Variants in ZHX3 observed in about 807,000 individuals in gnomAD.
ZHX3 encodes the protein zinc fingers and homeoboxes protein 3.
ZHX3 carries 20 observed loss-of-function variants against 64.5 expected under a neutral mutation model. The observed-to-expected ratio is 0.31, with a 90% CI of 0.22 to 0.45. The LOEUF is 0.45. ZHX3 is among the 20% of genes least tolerant of loss of function. The pLI, the probability that ZHX3 is intolerant of heterozygous loss-of-function variation, is 1.00. For synonymous variants in ZHX3, 423 were observed against 461.6 expected, an observed-to-expected ratio of 0.92 and a Z score of 1.07; for missense variants, 1,041 against 1,195.8, an observed-to-expected ratio of 0.87 and a Z score of 1.91.
At chr20:41,248,947 G>A (rs928867886) in intron 2 of ZHX3, among the ~76,000 whole-genome samples, 1 of 152,142 alleles carries the variant, frequency 6.6e-6, no homozygotes, top group Non-Finnish European at 1.5e-5. Flanking sequence ...AGCAATGGGC[G>A]TAATTCCTGT....
In ZHX3 at chr20:41,180,063, A is replaced by C. The variant is rs1754695938; in HGVS notation, c.*5128T>G. The C allele has an allele frequency of 6.5e-6, 1 of 152,716 alleles. No individual in the cohort carries two copies. The highest frequency in any genetic ancestry group is 2.4e-5 in the African/African-American group (1 of 41,478). The allele number at this position is 152,716 out of a possible 1,614,324, so 9.5% of individuals were successfully genotyped here. ...GCACGCGCACATGAACACACGTTTCAAGCCAGTCTCCTGAAGGAAGAGGCA... is the reference window on the plus strand; with the variant it reads ...GCACGCGCACATGAACACACGTTTCCAGCCAGTCTCCTGAAGGAAGAGGCA... On this transcript the variant is annotated 3_prime_UTR_variant, in exon 4 of 4. Transcript: ENST00000683867.
chr20:41,209,576 C>T (rs1297146422), intron 2 of ZHX3, among the ~76,000 whole-genome samples: 2 of 152,154 alleles, frequency 1.3e-5, no homozygotes, highest in Non-Finnish European at 2.9e-5. Context: ...ACAAACTTGA[C>T]AAAAACAAGA....
chr20:41,188,899 C>T (rs1171137774), intron 3 of ZHX3, among the ~76,000 whole-genome samples: 1 of 152,056 alleles, frequency 6.6e-6, no homozygotes, highest in East Asian at 1.9e-4. Flanking sequence ...TTTTTGAGGT[C>T]TTAGCCATAA....
At chr20:41,235,782 A>G (rs1600452351) in intron 2 of ZHX3, among the ~76,000 whole-genome samples, 2 of 152,338 alleles carry the variant, frequency 1.3e-5, no homozygotes, top group African/African-American at 4.8e-5. Flanking sequence ...GCAATCAGGC[A>G]GGAGAAGGAA....
intron 1 of ZHX3, among the ~76,000 whole-genome samples, chr20:41,305,322 G>C (rs1600675118): frequency 6.6e-6 from 1 of 152,210 alleles, no homozygotes; most frequent in South Asian, 2.1e-4. Flanking sequence ...GTGAAACCCT[G>C]CCTCTACAAA....
chr20:41,275,743 T>G (rs1418930244), intron 1 of ZHX3, among the ~76,000 whole-genome samples: 1 of 152,182 alleles, frequency 6.6e-6, no homozygotes, highest in Non-Finnish European at 1.5e-5. Flanking sequence ...TACCACTGCC[T>G]GATGAGGGTC....
chr20:41,216,335 G>A (rs1270764159), intron 2 of ZHX3, among the ~76,000 whole-genome samples: 1 of 152,114 alleles, frequency 6.6e-6, no homozygotes, highest in Non-Finnish European at 1.5e-5. Flanking sequence ...CTCTCGGAAA[G>A]AAAGAAAAGT....
intron 2 of ZHX3, among the ~76,000 whole-genome samples, chr20:41,222,580 TG>T (rs961558286): frequency 4.6e-5 from 7 of 151,960 alleles, no homozygotes; most frequent in Admixed American, 3.9e-4. Flanking sequence ...AAATGGGGGT[TG>T]GGGGGAGGCT....
chr20:41,297,013 C>T (rs1180802080), intron 1 of ZHX3, among the ~76,000 whole-genome samples: 5 of 152,198 alleles, frequency 3.3e-5, no homozygotes, highest in African/African-American at 7.2e-5. Flanking sequence ...TTATGGTTTT[C>T]TCTACATCCT....
At chr20:41,303,073 C>A (rs1366745595) in intron 1 of ZHX3, among the ~76,000 whole-genome samples, 4 of 152,232 alleles carry the variant, frequency 2.6e-5, no homozygotes, top group African/African-American at 9.6e-5. Context: ...ATTTGACACA[C>A]TTTCATCAAT....
intron 2 of ZHX3, among the ~76,000 whole-genome samples, chr20:41,259,768 A>G (rs1179875651): frequency 6.6e-6 from 1 of 151,994 alleles, no homozygotes; most frequent in Non-Finnish European, 1.5e-5. Context: ...AACATCAATG[A>G]CTCTGGGAGA....
rs568284480 is a variant in ZHX3 at position 41,282,361 on chromosome 20, CTTT to C, written c.-244-13281_-244-13279del. On this transcript the variant is annotated intron_variant, in intron 1 of 3. Coordinates refer to ENST00000683867, the MANE Select transcript of ZHX3 (RefSeq NM_001384317.1). ...TAGAGGTCCATTAGACACAATTCAT[CTTT>C]TTTTTTTTTTTTTTTTGCGAAGTCT... 2.2e-4 allele frequency among the ~76,000 whole-genome samples: 21 copies of C among 97,202 alleles called. 2 individuals are homozygous for C. The South Asian group carries it at 7.6e-3, about 35-fold the overall frequency. 63.8% of individuals were successfully genotyped at this position (97,202 alleles called of 152,430 possible).
chr20:41,211,745 TG>T (rs1221538553), intron 2 of ZHX3, among the ~76,000 whole-genome samples: 1 of 152,214 alleles, frequency 6.6e-6, no homozygotes, highest in Non-Finnish European at 1.5e-5. Flanking sequence ...GCCAATCTCA[TG>T]GGTGACAGTG....
intron 1 of ZHX3, among the ~76,000 whole-genome samples, chr20:41,282,432 C>T (rs878949196): frequency 1.5e-5 from 2 of 133,996 alleles, no homozygotes; most frequent in Admixed American, 1.8e-4. Flanking sequence ...TATCTTGGCT[C>T]ACTGCAACAT....
At chr20:41,215,917 A>C (rs998674609) in intron 2 of ZHX3, among the ~76,000 whole-genome samples, 1 of 150,038 alleles carries the variant, frequency 6.7e-6, no homozygotes, top group Admixed American at 6.7e-5. Context: ...GCGCCACTGC[A>C]CTCCAGCCTG....
intron 2 of ZHX3, among the ~76,000 whole-genome samples, chr20:41,233,724 T>G (rs1210299992): frequency 6.6e-6 from 1 of 152,162 alleles, no homozygotes; most frequent in African/African-American, 2.4e-5. Flanking sequence ...GGACAAGAAC[T>G]ATCAGGACAT....
At chr20:41,243,304 C>A (rs1052006539) in intron 2 of ZHX3, among the ~76,000 whole-genome samples, 4 of 152,162 alleles carry the variant, frequency 2.6e-5, no homozygotes, top group African/African-American at 9.7e-5. Flanking sequence ...AATTACCTGA[C>A]GTGGCTGCCT....
chr20:41,262,646 C>T (rs1018155980), intron 2 of ZHX3, among the ~76,000 whole-genome samples: 1 of 152,184 alleles, frequency 6.6e-6, no homozygotes, highest in African/African-American at 2.4e-5. Context: ...ACCTTGAAGG[C>T]AGGGACAGAA....
chr20:41,241,335 G>A (rs2041367843), intron 2 of ZHX3, among the ~76,000 whole-genome samples: 1 of 152,110 alleles, frequency 6.6e-6, no homozygotes, highest in Non-Finnish European at 1.5e-5. Context: ...CAAATCCCTT[G>A]CCCATTTTTA....
Sources: gnomAD v4.1 joint callset for allele counts (sites outside exome capture counted in the v4.1 genomes callset) on GRCh38, gnomAD v4.1.1 for gene constraint, MANE v1.5 for transcripts, NCBI Gene and HGNC (gene_info 2026-07-23, HGNC 2026-07-21) for gene names.